The following PPP3CA variants were observed in gnomAD, a reference collection of about 807,000 sequenced individuals.
PPP3CA encodes the protein protein phosphatase 3 catalytic subunit alpha.
In PPP3CA, 14 loss-of-function variants were observed where a neutral mutation model predicts 66.5. The ratio of observed to expected loss-of-function variants is 0.21; its 90% CI spans 0.14 to 0.33. The LOEUF (loss-of-function observed/expected upper bound fraction) is 0.33. PPP3CA is among the 10% of genes least tolerant of loss of function. The probability of loss-of-function intolerance (pLI) is 1.00; values close to 1 mark genes in which losing one functional copy is unlikely to be tolerated. For missense variants in PPP3CA, 317 were observed against 639.5 expected (o/e 0.50, Z 5.44); for synonymous variants, 232 against 226.2 (o/e 1.03, Z -0.23).
At chr4:101,274,169 T>G (rs757570799) in intron 1 of PPP3CA, among the ~76,000 whole-genome samples, 1 of 152,164 alleles carries the variant, frequency 6.6e-6, no homozygotes, top group African/African-American at 2.4e-5. Context: ...CCGGACATGA[T>G]GGCGGGTGCC....
chr4:101,335,186 G>A (rs886682628), intron 1 of PPP3CA, among the ~76,000 whole-genome samples: 25 of 152,136 alleles, frequency 1.6e-4, no homozygotes, highest in Non-Finnish European at 3.1e-4. Flanking sequence ...ATAGTTGGAA[G>A]CCACTGGTCT....
chr4:101,299,105 CG>C (rs1311333942), intron 1 of PPP3CA, among the ~76,000 whole-genome samples: 11 of 110,650 alleles, frequency 9.9e-5, no homozygotes, highest in African/African-American at 1.7e-4. Flanking sequence ...TGCCATATAT[CG>C]TTTTTTTTTT....
At chr4:101,210,424 T>C (rs747996381) in intron 1 of PPP3CA, among the ~76,000 whole-genome samples, 1 of 152,210 alleles carries the variant, frequency 6.6e-6, no homozygotes, top group Non-Finnish European at 1.5e-5. Context: ...TATTTAATTG[T>C]TCTATGCTAT....
chr4:101,123,647 G>A (rs925641290), intron 2 of PPP3CA, among the ~76,000 whole-genome samples: 1 of 152,052 alleles, frequency 6.6e-6, no homozygotes, highest in African/African-American at 2.4e-5. Context: ...CCTGCACAAC[G>A]TGGTGAAACC....
chr4:101,246,967 T>C (rs896692490), intron 1 of PPP3CA, among the ~76,000 whole-genome samples: 3 of 152,154 alleles, frequency 2.0e-5, no homozygotes, highest in Admixed American at 1.3e-4. Flanking sequence ...ATCAACCTTA[T>C]GAGAAAAACA....
intron 6 of PPP3CA, among the ~76,000 whole-genome samples, chr4:101,085,153 C>T (rs1271859107): frequency 2.6e-5 from 4 of 152,210 alleles, no homozygotes. Flanking sequence ...CTAAGGGGCA[C>T]AGAATAGGTT....
At chr4:101,139,704 T>C (rs1250848061) in intron 2 of PPP3CA, among the ~76,000 whole-genome samples, 1 of 149,060 alleles carries the variant, frequency 6.7e-6, no homozygotes, top group Admixed American at 6.7e-5. Context: ...GTGTTTTTTT[T>C]TTTTTTTTTT....
intron 1 of PPP3CA, among the ~76,000 whole-genome samples, chr4:101,270,254 ATGT>A (rs1225550017): frequency 1.3e-5 from 2 of 152,134 alleles, no homozygotes; most frequent in Non-Finnish European, 2.9e-5. Context: ...GGTCATTCAT[ATGT>A]GTGCATACCA....
At chr4:101,104,937 A>G (rs777986195) in intron 3 of PPP3CA, among the ~76,000 whole-genome samples, 8 of 152,140 alleles carry the variant, frequency 5.3e-5, no homozygotes, top group Admixed American at 3.3e-4. Context: ...GTTTTTGAAG[A>G]TGAGGACTCC....
intron 1 of PPP3CA, among the ~76,000 whole-genome samples, chr4:101,319,601 A>G (rs946939318): frequency 3.3e-5 from 5 of 152,134 alleles, no homozygotes; most frequent in South Asian, 2.1e-4. Context: ...CAGTACTTCC[A>G]TAATAGCAGT....
At chr4:101,232,625 G>C (rs1413466028) in intron 1 of PPP3CA, among the ~76,000 whole-genome samples, 1 of 151,672 alleles carries the variant, frequency 6.6e-6, no homozygotes, top group Non-Finnish European at 1.5e-5. Context: ...AAACACTTAT[G>C]AGTTTAATTT....
intron 12 of PPP3CA, among the ~76,000 whole-genome samples, chr4:101,031,770 T>C (rs1726974668): frequency 6.6e-6 from 1 of 152,188 alleles, no homozygotes; most frequent in South Asian, 2.1e-4. Flanking sequence ...TTTCAATTGA[T>C]AAATCAGAGA....
chr4:101,334,687 A>C (rs1230673124), intron 1 of PPP3CA, among the ~76,000 whole-genome samples: 2 of 152,190 alleles, frequency 1.3e-5, no homozygotes, highest in Non-Finnish European at 2.9e-5. Flanking sequence ...GTGTGAGGAG[A>C]GAAGACTTCA....
chr4:101,165,726 G>C (rs1042813288), intron 2 of PPP3CA, among the ~76,000 whole-genome samples: 2 of 151,958 alleles, frequency 1.3e-5, no homozygotes, highest in Non-Finnish European at 1.5e-5. Context: ...TGAAACAATA[G>C]GTAATTTACA....
At chr4:101,253,028 C>G (rs568416429) in intron 1 of PPP3CA, among the ~76,000 whole-genome samples, 7 of 152,268 alleles carry the variant, frequency 4.6e-5, no homozygotes, top group African/African-American at 1.7e-4. Flanking sequence ...CTCTAAGAAA[C>G]TGTGAAACCA....
intron 2 of PPP3CA, among the ~76,000 whole-genome samples, chr4:101,195,034 A>T (rs1724741227): frequency 6.6e-6 from 1 of 152,074 alleles, no homozygotes; most frequent in Non-Finnish European, 1.5e-5. Flanking sequence ...GCACTTTGGG[A>T]GGCTGAGGCG....
intron 10 of PPP3CA, among the ~76,000 whole-genome samples, chr4:101,041,215 AT>A (rs1217170952): frequency 6.6e-6 from 1 of 152,092 alleles, no homozygotes; most frequent in Non-Finnish European, 1.5e-5. Context: ...TTTTAGTACT[AT>A]TTTTGAAAGT....
chr4:101,334,097 T>C (rs142130742), intron 1 of PPP3CA, among the ~76,000 whole-genome samples: 5 of 152,212 alleles, frequency 3.3e-5, no homozygotes, highest in African/African-American at 1.2e-4. Context: ...CAGGAGATTA[T>C]ATCATATGGG....
At chr4:101,223,817 T>C (rs1725699138) in intron 1 of PPP3CA, among the ~76,000 whole-genome samples, 1 of 151,822 alleles carries the variant, frequency 6.6e-6, no homozygotes, top group Non-Finnish European at 1.5e-5. Context: ...AAATCTAAAA[T>C]AATCTCTCAT....
Sources: gnomAD v4.1 joint callset for allele counts (sites outside exome capture counted in the v4.1 genomes callset) on GRCh38, gnomAD v4.1.1 for gene constraint, MANE v1.5 for transcripts, NCBI Gene and HGNC (gene_info 2026-07-23, HGNC 2026-07-21) for gene names.